The following PTPN12 variants were observed in gnomAD, a reference collection of about 807,000 sequenced individuals.
The protein encoded by PTPN12 is protein tyrosine phosphatase non-receptor type 12, also known as tyrosine-protein phosphatase non-receptor type 12.
PTPN12 carries 29 observed loss-of-function variants against 97.6 expected under a neutral mutation model. That is an observed-to-expected ratio of 0.30 (90% CI 0.22 to 0.41). The LOEUF (loss-of-function observed/expected upper bound fraction) is 0.41. PTPN12 is among the 10% of genes least tolerant of loss of function. The pLI, the probability that PTPN12 is intolerant of heterozygous loss-of-function variation, is 1.00. For synonymous variants in PTPN12, 327 were observed against 300.4 expected, an observed-to-expected ratio of 1.09 and a Z score of -0.91; for missense variants, 819 against 926.0, an observed-to-expected ratio of 0.88 and a Z score of 1.50.
At chr7:77,597,802 T>C in intron 6 of PTPN12, 40 bp from the exon 7 acceptor site, 1 of 1,588,854 alleles carries the variant, frequency 6.3e-7, no homozygotes, top group Non-Finnish European at 8.5e-7. Flanking sequence ...CTTTTTGTTT[T>C]AACGTTTTCA....
intron 1 of PTPN12, among the ~76,000 whole-genome samples, chr7:77,543,655 C>T (rs1807087905): frequency 6.6e-6 from 1 of 152,020 alleles, no homozygotes; most frequent in South Asian, 2.1e-4. Context: ...ACTTTCTGTA[C>T]CCATTAGCAG....
intron 14 of PTPN12, among the ~76,000 whole-genome samples, chr7:77,634,877 T>C (rs969835401): frequency 6.6e-6 from 1 of 150,930 alleles, no homozygotes; most frequent in African/African-American, 2.4e-5. Flanking sequence ...ACGCCCGGCC[T>C]TGTTTTGTTT....
At chr7:77,589,154 A>G (rs780007822) in intron 5 of PTPN12, among the ~76,000 whole-genome samples, 1 of 152,230 alleles carries the variant, frequency 6.6e-6, no homozygotes, top group South Asian at 2.1e-4. Context: ...GATTACAGGC[A>G]TATAATCCCA....
chr7:77,576,002 T>C (rs1459180339), intron 2 of PTPN12, among the ~76,000 whole-genome samples: 1 of 151,982 alleles, frequency 6.6e-6, no homozygotes, highest in Non-Finnish European at 1.5e-5. Context: ...TAGGCGCACA[T>C]CACCATGCCT....
intron 14 of PTPN12, among the ~76,000 whole-genome samples, chr7:77,634,481 C>T (rs955690603): frequency 2.6e-5 from 4 of 151,854 alleles, no homozygotes; most frequent in Non-Finnish European, 5.9e-5. Flanking sequence ...ATTCTGTCGC[C>T]CCGGCTGGAG....
chr7:77,627,710 C>T (rs1387741264), intron 13 of PTPN12, 35 bp downstream of exon 13: 2 of 1,497,526 alleles, frequency 1.3e-6, no homozygotes, highest in Non-Finnish European at 1.8e-6. Context: ...AAATGTCTTT[C>T]CTATGTGCTA....
At chr7:77,614,659 A>C (rs1788691074) in intron 11 of PTPN12, among the ~76,000 whole-genome samples, 1 of 152,184 alleles carries the variant, frequency 6.6e-6, no homozygotes, top group Non-Finnish European at 1.5e-5. Context: ...TAAACTTGTA[A>C]ATATAGGTGA....
intron 5 of PTPN12, among the ~76,000 whole-genome samples, chr7:77,589,893 G>GA (rs1787811346): frequency 6.6e-6 from 1 of 152,130 alleles, no homozygotes; most frequent in African/African-American, 2.4e-5. Flanking sequence ...AGTTATTGAT[G>GA]AAAAATCAAG....
At chr7:77,633,944 A>AC (rs1003554216) in intron 14 of PTPN12, among the ~76,000 whole-genome samples, 17 of 151,786 alleles carry the variant, frequency 1.1e-4, no homozygotes, top group African/African-American at 4.1e-4. Flanking sequence ...AATTGCTTGA[A>AC]CCCAGGATGC....
At chr7:77,591,037 T>TA (rs1208852954) in intron 5 of PTPN12, among the ~76,000 whole-genome samples, 14 of 152,144 alleles carry the variant, frequency 9.2e-5, no homozygotes, top group Non-Finnish European at 1.5e-4. Context: ...AGACCCTATC[T>TA]AAAAAAAGAG....
In PTPN12 at chr7:77,615,037, A is replaced by G. The variant is rs181911576; in HGVS notation, c.940-3443A>G. Among the ~76,000 whole-genome samples, 4 of 152,278 alleles carry G rather than the reference A, an allele frequency of 2.6e-5. No homozygotes were observed. The East Asian group carries it at 7.7e-4, about 29-fold the overall frequency. ...ATCTAAAGAGAAAATTTATTCTGTA[A>G]GCCTGTATCATATTGACTGAGGATT... On this transcript the variant is annotated intron_variant, in intron 11 of 17. Coordinates refer to ENST00000248594, the MANE Select transcript of PTPN12 (RefSeq NM_002835.4).
chr7:77,609,889 A>G (rs977241641), intron 9 of PTPN12, among the ~76,000 whole-genome samples: 1 of 138,684 alleles, frequency 7.2e-6, no homozygotes, highest in African/African-American at 2.6e-5. Flanking sequence ...TCAAAAAAAA[A>G]ACAACAAAAA....
intron 2 of PTPN12, among the ~76,000 whole-genome samples, chr7:77,578,376 G>A (rs1445879830): frequency 1.3e-5 from 2 of 152,056 alleles, no homozygotes; most frequent in African/African-American, 4.8e-5. Flanking sequence ...ATAAAAAGGG[G>A]GATGGGACAT....
intron 2 of PTPN12, among the ~76,000 whole-genome samples, chr7:77,580,701 A>G (rs1392217726): frequency 2.6e-5 from 4 of 152,278 alleles, no homozygotes; most frequent in Admixed American, 1.3e-4. Flanking sequence ...TTTTTACTCT[A>G]TTACCTAATA....
chr7:77,567,631 A>C (rs1808316711), intron 1 of PTPN12, among the ~76,000 whole-genome samples: 1 of 151,776 alleles, frequency 6.6e-6, no homozygotes. Flanking sequence ...GAGGCCCAGC[A>C]ATGTGGCCCT....
intron 5 of PTPN12, among the ~76,000 whole-genome samples, chr7:77,589,039 C>T (rs1465964757): frequency 6.6e-6 from 1 of 151,764 alleles, no homozygotes; most frequent in Non-Finnish European, 1.5e-5. Context: ...TGGCTCAGCT[C>T]ATTTTTGTAT....
At chr7:77,638,313 A>G (rs1035021575) in intron 16 of PTPN12, among the ~76,000 whole-genome samples, 1 of 152,130 alleles carries the variant, frequency 6.6e-6, no homozygotes, top group African/African-American at 2.4e-5. Context: ...CCCTTAGAAC[A>G]TAGGCATATA....
At chr7:77,556,993 C>T (rs1003656081) in intron 1 of PTPN12, among the ~76,000 whole-genome samples, 5 of 151,460 alleles carry the variant, frequency 3.3e-5, no homozygotes, top group African/African-American at 9.7e-5. Context: ...TTTTTTAGAG[C>T]GGTCTCGCTG....
chr7:77,628,073 T>A (rs1490986473), intron 13 of PTPN12, among the ~76,000 whole-genome samples: 1 of 152,198 alleles, frequency 6.6e-6, no homozygotes, highest in African/African-American at 2.4e-5. Context: ...ATGTTACTCG[T>A]TTTTCCTAAA....
Sources: gnomAD v4.1 joint callset for allele counts (sites outside exome capture counted in the v4.1 genomes callset) on GRCh38, gnomAD v4.1.1 for gene constraint, MANE v1.5 for transcripts, NCBI Gene and HGNC (gene_info 2026-07-23, HGNC 2026-07-21) for gene names.